The following RTTN variants were observed in gnomAD, a reference collection of about 807,000 sequenced individuals.
RTTN encodes the protein rotatin.
In RTTN, 182 loss-of-function variants were observed where a neutral mutation model predicts 269.2. The ratio of observed to expected loss-of-function variants is 0.68; its 90% CI spans 0.60 to 0.76. RTTN has a LOEUF of 0.76. RTTN is among the 30% of genes least tolerant of loss of function. The pLI is 0.00. For missense variants in RTTN, 2,545 were observed against 2,608.6 expected, an observed-to-expected ratio of 0.98 and a Z score of 0.53; for synonymous variants, 1,006 against 963.5, an observed-to-expected ratio of 1.04 and a Z score of -0.82.
At chr18:70,072,216 C>T (rs2058314153) in intron 34 of RTTN, among the ~76,000 whole-genome samples, 1 of 151,896 alleles carries the variant, frequency 6.6e-6, no homozygotes, top group Non-Finnish European at 1.5e-5. Context: ...TGTTTGGAAA[C>T]CTCCCGAAAA....
intron 27 of RTTN, among the ~76,000 whole-genome samples, chr18:70,113,108 T>C (rs1028862018): frequency 6.6e-6 from 1 of 152,176 alleles, no homozygotes; most frequent in Admixed American, 6.5e-5. Flanking sequence ...AAAGATGTTC[T>C]TTGAAATCAA....
At chr18:70,149,535 CTT>C (rs869242205) in intron 16 of RTTN, among the ~76,000 whole-genome samples, 154 of 37,604 alleles carry the variant, frequency 4.1e-3, no homozygotes, top group South Asian at 0.011. Flanking sequence ...AGAAGGATTG[CTT>C]TTTTAAAAAA....
chr18:70,154,113 A>G (rs978387037), intron 14 of RTTN, among the ~76,000 whole-genome samples: 1 of 152,156 alleles, frequency 6.6e-6, no homozygotes, highest in Non-Finnish European at 1.5e-5. Flanking sequence ...GGTTATAAAA[A>G]CTATAGTATA....
chr18:70,204,616 C>G (rs1442812844), intron 2 of RTTN, among the ~76,000 whole-genome samples: 1 of 152,140 alleles, frequency 6.6e-6, no homozygotes, highest in Non-Finnish European at 1.5e-5. Flanking sequence ...TTTAAGATTC[C>G]TCTACCATTG....
intron 42 of RTTN, 139 bp downstream of exon 42, chr18:70,029,873 T>C: frequency 1.7e-6 from 1 of 600,370 alleles, no homozygotes; most frequent in South Asian, 2.4e-5. Context: ...AATCTGCTAA[T>C]GTAGAAGTCT....
chr18:70,039,822 ATAAAGT>A (rs1045979965), intron 40 of RTTN, among the ~76,000 whole-genome samples: 9 of 152,182 alleles, frequency 5.9e-5, no homozygotes, highest in Non-Finnish European at 1.0e-4. Context: ...AGCAGGGGAG[ATAAAGT>A]TAAAGTGTAG....
chr18:70,111,609 G>T lies in RTTN; in HGVS notation c.3684-1892C>A, dbSNP rs112578139. 5.1e-3 allele frequency among the ~76,000 whole-genome samples: 771 copies of T among 152,218 alleles called. 6 individuals carry two copies. The highest frequency in any genetic ancestry group is 0.018 in the African/African-American group (731 of 41,538). Reference sequence around the variant, plus strand: ...TGTGAAGACAAGATTAGAGAAAAAAGAATAAAAAGGAACAAACAAAGGCTC... The same window carrying T: ...TGTGAAGACAAGATTAGAGAAAAAATAATAAAAAGGAACAAACAAAGGCTC... On this transcript the variant is annotated intron_variant, in intron 27 of 48. Transcript: ENST00000640769.
chr18:70,183,243 G>C (rs1337246466), intron 10 of RTTN, among the ~76,000 whole-genome samples: 2 of 152,184 alleles, frequency 1.3e-5, no homozygotes, highest in African/African-American at 4.8e-5. Context: ...ATGACTTTAG[G>C]AGATGAAGAT....
At position 70,017,555 on chromosome 18, in the gene RTTN, C is replaced by T. The variant is rs1284999140; in HGVS notation, c.6273G>A (p.Gly2091=). The T allele has an allele frequency of 3.7e-6, 6 of 1,613,912 alleles. No individual in the cohort carries two copies. Among genetic ancestry groups the T allele is most frequent in the South Asian group, 1.1e-5 (1 of 91,080 alleles). The change falls in exon 46 of 49, where the codon GGG becomes GGA. Residue 2091 remains glycine, a synonymous_variant. Transcript: ENST00000640769. Reference sequence around the variant, plus strand: ...CATCAAGCCTCAGAATCATTTGTTGCCCATCTTCTCCAGATGATATATTCA... The same window carrying T: ...CATCAAGCCTCAGAATCATTTGTTGTCCATCTTCTCCAGATGATATATTCA... ...LLLNISSGED[G]QQMILRLDGC...
Position 70,149,961 on chromosome 18 carries a change from C to G in RTTN, c.2172+10G>C, listed in dbSNP as rs374856310. 386 of 1,558,250 alleles carry G rather than the reference C, an allele frequency of 2.5e-4. 1 individual carries two copies. The highest frequency in any genetic ancestry group is 3.3e-4 in the Non-Finnish European group (377 of 1,129,950). On this transcript the variant is annotated intron_variant, in intron 16 of 48. Coordinates refer to ENST00000640769, the MANE Select transcript of RTTN (RefSeq NM_173630.4). ...AAATGGTATCATAAAAAGTGAATTT[C>G]ACAGAATACCTGTAGTATTGGGATG...
At chr18:70,078,539 C>A (rs1405925217) in intron 32 of RTTN, among the ~76,000 whole-genome samples, 2 of 151,806 alleles carry the variant, frequency 1.3e-5, no homozygotes, top group African/African-American at 4.8e-5. Context: ...AAATAAATCA[C>A]CCAAATCAAT....
intron 11 of RTTN, among the ~76,000 whole-genome samples, chr18:70,170,436 C>T (rs1372128734): frequency 6.6e-6 from 1 of 152,340 alleles, no homozygotes; most frequent in East Asian, 1.9e-4. Flanking sequence ...AGGCAGGGAA[C>T]TGCTACTTCT....
intron 6 of RTTN, among the ~76,000 whole-genome samples, chr18:70,197,122 G>C (rs2061829197): frequency 6.6e-6 from 1 of 152,160 alleles, no homozygotes; most frequent in South Asian, 2.1e-4. Context: ...TGGGAGTGTG[G>C]AGCGAGAATG....
At chr18:70,139,092 GT>G (rs1279521310) in intron 21 of RTTN, 1 of 151,904 alleles carries the variant, frequency 6.6e-6, no homozygotes, top group Non-Finnish European at 1.5e-5. Context: ...ATTAAAATGG[GT>G]TTTTAAAAAC....
At chr18:70,111,703 G>C (rs538535998) in intron 27 of RTTN, among the ~76,000 whole-genome samples, 1 of 152,304 alleles carries the variant, frequency 6.6e-6, no homozygotes, top group African/African-American at 2.4e-5. Context: ...GTGACAGAGA[G>C]AATGGAACCA....
At chr18:70,008,571 T>C (rs921627693) in intron 46 of RTTN, 4 of 151,758 alleles carry the variant, frequency 2.6e-5, no homozygotes, top group Non-Finnish European at 5.9e-5. Flanking sequence ...AATGACCTGA[T>C]GGGAGCTGAA....
At chr18:70,135,138 A>T in intron 22 of RTTN, 46 bp downstream of exon 22, 2 of 1,069,142 alleles carry the variant, frequency 1.9e-6, no homozygotes, top group Non-Finnish European at 2.7e-6. Flanking sequence ...CAGATACCTG[A>T]GATAAATAGT....
intron 46 of RTTN, among the ~76,000 whole-genome samples, chr18:70,015,536 G>A (rs982703964): frequency 7.9e-5 from 12 of 152,124 alleles, no homozygotes; most frequent in Non-Finnish European, 1.8e-4. Context: ...CGAGGCATAG[G>A]CTGTGACATC....
chr18:70,005,496 T>C, intron 47 of RTTN: 2 of 376,556 alleles, frequency 5.3e-6, no homozygotes, highest in Non-Finnish European at 9.4e-6. Context: ...TCTATTCCCA[T>C]TTTCTTTCTT....
Sources: allele counts gnomAD v4.1 joint callset (sites outside exome capture counted in the v4.1 genomes callset), GRCh38; gene constraint gnomAD v4.1.1; transcripts MANE v1.5; gene names NCBI Gene and HGNC (gene_info 2026-07-23, HGNC 2026-07-21).